Variants in MYO18B observed in about 807,000 individuals in gnomAD.
The protein encoded by MYO18B is unconventional myosin-XVIIIb.
A neutral mutation model predicts 273.0 loss-of-function variants in MYO18B; 204 were observed. The ratio of observed to expected loss-of-function variants is 0.75; its 90% CI spans 0.67 to 0.84. The LOEUF is 0.84. MYO18B is among the 40% of genes least tolerant of loss of function. MYO18B has a pLI of 0.00. For missense variants in MYO18B, 3,212 were observed against 3,287.6 expected (o/e 0.98, Z 0.56); for synonymous variants, 1,330 against 1,305.7 (o/e 1.02, Z -0.40).
At chr22:26,050,571 G>A in the MYO18B span, among the ~76,000 whole-genome samples, 2 of 152,148 alleles carry the variant, frequency 1.3e-5, no homozygotes, top group Non-Finnish European at 2.9e-5. Flanking sequence ...GGATCTCCTG[G>A]TCTTATTGTA....
intron 40 of MYO18B, among the ~76,000 whole-genome samples, chr22:25,995,272 T>C (rs1933107548): frequency 6.6e-6 from 1 of 151,632 alleles, no homozygotes; most frequent in Admixed American, 6.6e-5. Flanking sequence ...CAGTAGGAGG[T>C]GGGATGGCTA....
chr22:25,973,882 C>T (rs1320859150), intron 39 of MYO18B, among the ~76,000 whole-genome samples: 3 of 152,164 alleles, frequency 2.0e-5, no homozygotes, highest in Admixed American at 6.5e-5. Context: ...ATCATTGTCA[C>T]AAGGAGGGGG....
At chr22:25,895,391 C>T in intron 28 of MYO18B, 111 bp downstream of exon 28, 1 of 1,309,622 alleles carries the variant, frequency 7.6e-7, no homozygotes, top group Non-Finnish European at 1.0e-6. Context: ...AGGAAGAGGA[C>T]ACAAACCCCT....
At chr22:25,747,800 G>A (rs1054961771) in intron 1 of MYO18B, among the ~76,000 whole-genome samples, 30 of 152,304 alleles carry the variant, frequency 2.0e-4, no homozygotes, top group African/African-American at 6.7e-4. Flanking sequence ...TGGTAATAAC[G>A]TCAGAAATGG....
intron 21 of MYO18B, among the ~76,000 whole-genome samples, chr22:25,861,333 A>G (rs1225467133): frequency 6.6e-6 from 1 of 152,210 alleles, no homozygotes; most frequent in African/African-American, 2.4e-5. Context: ...AGGTACAGAC[A>G]TATTTATAAT....
At chr22:25,783,978 G>A (rs2087271010) in intron 10 of MYO18B, among the ~76,000 whole-genome samples, 1 of 152,176 alleles carries the variant, frequency 6.6e-6, no homozygotes, top group Non-Finnish European at 1.5e-5. Flanking sequence ...GGTCAAAAAC[G>A]GGTTCTCACT....
chr22:26,020,810 C>T (rs988802035), intron 42 of MYO18B, among the ~76,000 whole-genome samples: 2 of 152,070 alleles, frequency 1.3e-5, no homozygotes, highest in Admixed American at 6.6e-5. Flanking sequence ...ACTGGGGGCC[C>T]GGGCACCGTG....
intron 10 of MYO18B, among the ~76,000 whole-genome samples, chr22:25,784,124 G>T (rs192602694): frequency 6.6e-6 from 1 of 152,270 alleles, no homozygotes; most frequent in East Asian, 1.9e-4. Flanking sequence ...CTGTTTTGGT[G>T]CCTGGTATGT....
chr22:25,828,261 C>G (rs774387230), intron 14 of MYO18B, among the ~76,000 whole-genome samples: 1 of 152,054 alleles, frequency 6.6e-6, no homozygotes. Context: ...TGTCACAGAG[C>G]AAGGATTGAA....
At chr22:25,774,669 C>T (rs2086849394) in intron 7 of MYO18B, among the ~76,000 whole-genome samples, 1 of 152,224 alleles carries the variant, frequency 6.6e-6, no homozygotes, top group African/African-American at 2.4e-5. Flanking sequence ...CCGGATCAAC[C>T]TCTGATTCCC....
Position 25,895,199 on chromosome 22 carries a change from C to T in MYO18B, c.4587C>T (p.Asn1529=), listed in dbSNP as rs533596830. The T allele has an allele frequency of 8.1e-5, 131 of 1,611,654 alleles. No individual in the cohort carries two copies. The highest frequency in any genetic ancestry group is 5.0e-4 in the Middle Eastern group (3 of 6,058). The change falls in exon 28 of 44, where the codon AAC becomes AAT. Residue 1529 remains asparagine (N), a synonymous_variant. Transcript: ENST00000335473. ...QMRFDCAQME[N]EFLRKRLQQC... Reference sequence around the variant, plus strand: ...GCTTCGACTGTGCTCAGATGGAGAACGAGTTCCTCAGAAAGCGTCTGCAGC... The same window carrying T: ...GCTTCGACTGTGCTCAGATGGAGAATGAGTTCCTCAGAAAGCGTCTGCAGC...
chr22:26,006,684 T>C (rs1227704833), intron 42 of MYO18B, among the ~76,000 whole-genome samples: 1 of 152,206 alleles, frequency 6.6e-6, no homozygotes, highest in African/African-American at 2.4e-5. Flanking sequence ...TATCTGCAGC[T>C]GTGAGATTTT....
chr22:25,794,708 G>T (rs1351939410), intron 11 of MYO18B, among the ~76,000 whole-genome samples: 4 of 149,946 alleles, frequency 2.7e-5, no homozygotes, highest in Non-Finnish European at 5.9e-5. Context: ...GTTTCACCGT[G>T]TTAGCCAGGA....
At chr22:25,890,333 A>C (rs1003068451) in intron 25 of MYO18B, among the ~76,000 whole-genome samples, 1 of 152,220 alleles carries the variant, frequency 6.6e-6, no homozygotes, top group Non-Finnish European at 1.5e-5. Flanking sequence ...TGTCTTACTG[A>C]GGGACAGTGT....
intron 7 of MYO18B, among the ~76,000 whole-genome samples, chr22:25,775,062 C>G (rs2086865638): frequency 6.6e-6 from 1 of 152,228 alleles, no homozygotes; most frequent in South Asian, 2.1e-4. Context: ...TTCCTTCTCC[C>G]CCTAGGCAGT....
At chr22:26,023,412 G>C (rs1935973015) in intron 42 of MYO18B, among the ~76,000 whole-genome samples, 1 of 152,110 alleles carries the variant, frequency 6.6e-6, no homozygotes. Flanking sequence ...TGTGGTCTGT[G>C]ATTCTCCTTC....
chr22:25,952,235 T>C, intron 37 of MYO18B, 51 bp from the exon 38 acceptor site: 8 of 1,587,680 alleles, frequency 5.0e-6, no homozygotes, highest in Non-Finnish European at 6.0e-6. Flanking sequence ...CATGTCTCTG[T>C]CCTGGTATCA....
intron 42 of MYO18B, among the ~76,000 whole-genome samples, chr22:26,011,632 T>C (rs1934931633): frequency 6.6e-6 from 1 of 152,228 alleles, no homozygotes; most frequent in African/African-American, 2.4e-5. Context: ...GAAATCTAAC[T>C]AAAATGGTGT....
chr22:25,932,360 T>G (rs1251667292), intron 34 of MYO18B, among the ~76,000 whole-genome samples: 1 of 151,686 alleles, frequency 6.6e-6, no homozygotes, highest in East Asian at 1.9e-4. Context: ...TTTCTTCCCT[T>G]TCTTTCTTTC....
Sources: gnomAD v4.1 joint callset for allele counts (sites outside exome capture counted in the v4.1 genomes callset) on GRCh38, gnomAD v4.1.1 for gene constraint, MANE v1.5 for transcripts, NCBI Gene and HGNC (gene_info 2026-07-23, HGNC 2026-07-21) for gene names.